VAMP7: variants seen among roughly 807,000 people sequenced by gnomAD.
VAMP7 encodes vesicle associated membrane protein 7.
A neutral mutation model predicts 29.6 loss-of-function variants in VAMP7; 14 were observed. That is an observed-to-expected ratio of 0.47 (90% confidence interval 0.31 to 0.74). VAMP7 has a LOEUF of 0.74. VAMP7 is among the 30% of genes least tolerant of loss of function. The probability of loss-of-function intolerance (pLI) is 0.05; values close to 1 mark genes in which losing one functional copy is unlikely to be tolerated. For synonymous variants in VAMP7, 95 were observed against 88.1 expected (o/e 1.08, Z -0.44); for missense variants, 223 against 262.4 (o/e 0.85, Z 1.04).
intron 6 of VAMP7, among the ~76,000 whole-genome samples, chrX:155,935,212 C>T (rs1036445016): frequency 6.6e-5 from 10 of 151,858 alleles, no homozygotes; most frequent in African/African-American, 1.9e-4. Flanking sequence ...ATCTTTGTGG[C>T]GTTCTCTGTA....
chrX:155,906,180 C>T (rs1297588025), intron 5 of VAMP7, among the ~76,000 whole-genome samples: 14 of 152,166 alleles, frequency 9.2e-5, no homozygotes, highest in Non-Finnish European at 1.3e-4. Flanking sequence ...CGGGCTCTGT[C>T]CTTGGCCTGC....
chrX:155,927,008 A>G (rs6567800), intron 6 of VAMP7, among the ~76,000 whole-genome samples: 91,550 of 151,996 alleles, frequency 0.6, 27,654 homozygotes, highest in East Asian at 0.67. Context: ...AACAATCACA[A>G]TAGTAACATC....
chrX:155,915,030 C>T (rs2124331780), intron 5 of VAMP7, among the ~76,000 whole-genome samples: 1 of 152,254 alleles, frequency 6.6e-6, no homozygotes, highest in Admixed American at 6.5e-5. Context: ...ATTACTGCCT[C>T]AAGTTCAGAA....
chrX:155,935,933 C>T (rs1395937842), intron 6 of VAMP7, among the ~76,000 whole-genome samples: 9 of 152,154 alleles, frequency 5.9e-5, no homozygotes, highest in Non-Finnish European at 1.2e-4. Flanking sequence ...GGACCCTCAG[C>T]TGCAGGTCTG....
At chrX:155,882,112 C>A (rs953035593) in intron 1 of VAMP7, among the ~76,000 whole-genome samples, 32 of 152,196 alleles carry the variant, frequency 2.1e-4, no homozygotes, top group Non-Finnish European at 3.8e-4. Flanking sequence ...ACCTGTATCT[C>A]CATTATCCCT....
At position 155,881,674 on chromosome X, in the gene VAMP7, A is replaced by G. The variant is rs143964447; in HGVS notation, c.-10+226A>G. 6.3e-3 allele frequency among the ~76,000 whole-genome samples: 958 copies of G among 152,200 alleles called. 12 individuals carry two copies. Among genetic ancestry groups the G allele is most frequent in the African/African-American group, 0.022 (917 of 41,532 alleles). On this transcript the variant is annotated intron_variant, in intron 1 of 7. Coordinates refer to ENST00000286448, the MANE Select transcript of VAMP7 (RefSeq NM_005638.6). ...AAAGAGTGTCAGAATGCGTCACTTA[A>G]GCTGTCATTACAGGAGGGAAAAAAT... is the stretch of plus-strand genomic sequence containing the variant.
chrX:155,936,138 T>C (rs1363141284), intron 6 of VAMP7, among the ~76,000 whole-genome samples: 1 of 152,114 alleles, frequency 6.6e-6, no homozygotes, highest in East Asian at 1.9e-4. Flanking sequence ...TTAGGCTGCT[T>C]GGGGGTCAGG....
intron 6 of VAMP7, among the ~76,000 whole-genome samples, chrX:155,920,320 T>G (rs2066377029): frequency 6.6e-6 from 1 of 152,170 alleles, no homozygotes; most frequent in South Asian, 2.1e-4. Context: ...TCAAGAGACA[T>G]CGATTGGAAA....
chrX:155,897,987 A>G (rs749648979), intron 3 of VAMP7, 125 bp from the exon 4 acceptor site: 27 of 1,252,062 alleles, frequency 2.2e-5, no homozygotes, highest in Middle Eastern at 2.6e-4. Context: ...GATAGGATCA[A>G]TGCTAGTTCC....
intron 5 of VAMP7, among the ~76,000 whole-genome samples, chrX:155,910,701 T>A (rs182982473): frequency 3.9e-5 from 6 of 152,252 alleles, no homozygotes; most frequent in African/African-American, 1.4e-4. Context: ...ATTTCTATGA[T>A]GTTGAGCATT....
At chrX:155,921,444 A>T (rs1285597292) in intron 6 of VAMP7, among the ~76,000 whole-genome samples, 1 of 152,148 alleles carries the variant, frequency 6.6e-6, no homozygotes, top group African/African-American at 2.4e-5. Flanking sequence ...TCTGACTTAT[A>T]TCACCACAGA....
At chrX:155,906,136 C>T (rs1227759490) in intron 5 of VAMP7, among the ~76,000 whole-genome samples, 1 of 152,146 alleles carries the variant, frequency 6.6e-6, no homozygotes, top group Non-Finnish European at 1.5e-5. Flanking sequence ...TAGACAAGCT[C>T]CTCTGAGCAC....
At chrX:155,918,966 G>T (rs1204847164) in intron 5 of VAMP7, among the ~76,000 whole-genome samples, 1 of 152,112 alleles carries the variant, frequency 6.6e-6, no homozygotes, top group Non-Finnish European at 1.5e-5. Flanking sequence ...TTGATGTGAT[G>T]TTTGATTTGG....
intron 3 of VAMP7, among the ~76,000 whole-genome samples, chrX:155,896,396 T>C (rs2065987764): frequency 6.6e-6 from 1 of 152,202 alleles, no homozygotes; most frequent in Non-Finnish European, 1.5e-5. Flanking sequence ...CTTTAATGTA[T>C]GTGAACTTTG....
intron 2 of VAMP7, among the ~76,000 whole-genome samples, chrX:155,891,376 G>C (rs780798425): frequency 2.6e-5 from 4 of 152,214 alleles, no homozygotes; most frequent in Middle Eastern, 3.4e-3. Context: ...GACCTATCTA[G>C]TCACTGTGTT....
chrX:155,920,722 A>G (rs1223877165), intron 6 of VAMP7, among the ~76,000 whole-genome samples: 1 of 152,166 alleles, frequency 6.6e-6, no homozygotes, highest in Non-Finnish European at 1.5e-5. Context: ...TGTAAAATGA[A>G]GATGTACCCA....
chrX:155,883,176 A>G (rs1165776074), intron 1 of VAMP7, among the ~76,000 whole-genome samples: 1 of 152,160 alleles, frequency 6.6e-6, no homozygotes, highest in Non-Finnish European at 1.5e-5. Flanking sequence ...TGTTGAACTG[A>G]AATAGACTCC....
intron 4 of VAMP7, 84 bp downstream of exon 4, chrX:155,898,333 T>G (rs2066014939): frequency 1.3e-6 from 2 of 1,490,650 alleles, no homozygotes; most frequent in African/African-American, 2.8e-5. Context: ...GGCCCTGACC[T>G]GCAATATAGT....
At chrX:155,923,276 G>T (rs1033753374) in intron 6 of VAMP7, among the ~76,000 whole-genome samples, 3 of 151,844 alleles carry the variant, frequency 2.0e-5, no homozygotes, top group Non-Finnish European at 4.4e-5. Context: ...TAATTCTTTT[G>T]TGTAGGCCGA....
Sources: allele counts gnomAD v4.1 joint callset (sites outside exome capture counted in the v4.1 genomes callset), GRCh38; gene constraint gnomAD v4.1.1; transcripts MANE v1.5; gene names NCBI Gene and HGNC (gene_info 2026-07-23, HGNC 2026-07-21).